The following RNF175 variants were observed in gnomAD, a reference collection of about 807,000 sequenced individuals.
The protein encoded by RNF175 is ring finger protein 175.
RNF175 carries 38 observed loss-of-function variants against 50.0 expected under a neutral mutation model. That is an observed-to-expected ratio of 0.76 (90% CI 0.59 to 1.00). The LOEUF (loss-of-function observed/expected upper bound fraction) is 1.00. Among genes scored for constraint, RNF175 ranks in the 50% least tolerant of loss-of-function variants. The pLI is 0.00. For missense variants in RNF175, 388 were observed against 409.6 expected, an observed-to-expected ratio of 0.95 and a Z score of 0.46; for synonymous variants, 155 against 146.1, an observed-to-expected ratio of 1.06 and a Z score of -0.44.
At position 153,710,178 on chromosome 4, in the gene RNF175, A is replaced by T. The variant is rs1737466360; in HGVS notation, c.*191T>A. 2 of 484,220 alleles carry T rather than the reference A, an allele frequency of 4.1e-6. No individual in the cohort carries two copies. Among genetic ancestry groups the T allele is most frequent in the Non-Finnish European group, 7.3e-6 (2 of 275,514 alleles). The allele number at this position is 484,220 out of a possible 1,614,324, so 30.0% of individuals were successfully genotyped here. A position where few individuals can be genotyped will look rare whatever the true frequency, so the allele number is the denominator to read the frequency against. ...ACAGCTGTAATGGGAAAGATGAAAAAACATGCTTTATTTGTTTATTCCATT... is the reference window on the plus strand; with the variant it reads ...ACAGCTGTAATGGGAAAGATGAAAATACATGCTTTATTTGTTTATTCCATT... On this transcript the variant is annotated 3_prime_UTR_variant, in exon 9 of 9. Coordinates refer to ENST00000347063, the MANE Select transcript of RNF175 (RefSeq NM_173662.4).
At chr4:153,748,475 A>T in intron 3 of RNF175, 170 bp downstream of exon 3, 2 of 547,124 alleles carry the variant, frequency 3.7e-6, no homozygotes, top group Non-Finnish European at 6.0e-6. Context: ...AAATGTTTCC[A>T]GACATTGCCA....
intron 3 of RNF175, among the ~76,000 whole-genome samples, chr4:153,746,812 G>C (rs746760584): frequency 6.6e-6 from 1 of 152,214 alleles, no homozygotes; most frequent in Non-Finnish European, 1.5e-5. Flanking sequence ...TTTTGCTTAG[G>C]CCCTCTGGTT....
intron 4 of RNF175, chr4:153,727,570 C>G (rs1173409579): frequency 6.6e-6 from 1 of 152,204 alleles, no homozygotes; most frequent in Non-Finnish European, 1.5e-5. Flanking sequence ...ACATTTTACA[C>G]ACTTTATCTC....
intron 6 of RNF175, among the ~76,000 whole-genome samples, chr4:153,719,263 A>G (rs1013908173): frequency 3.3e-5 from 5 of 152,212 alleles, no homozygotes; most frequent in Non-Finnish European, 7.3e-5. Flanking sequence ...GCTCCATCCA[A>G]GTCCCTGCAA....
chr4:153,733,305 T>A (rs1739147672), intron 3 of RNF175, among the ~76,000 whole-genome samples: 1 of 152,194 alleles, frequency 6.6e-6, no homozygotes, highest in South Asian at 2.1e-4. Context: ...ATAATATGCA[T>A]AAATAATAAT....
chr4:153,712,919 T>C (rs746234861), intron 7 of RNF175, among the ~76,000 whole-genome samples: 1 of 152,092 alleles, frequency 6.6e-6, no homozygotes, highest in Non-Finnish European at 1.5e-5. Context: ...CCCACCTTGT[T>C]ATTGTGCGTT....
At chr4:153,729,829 C>T (rs552189937) in intron 3 of RNF175, 35 of 984,420 alleles carry the variant, frequency 3.6e-5, no homozygotes, top group East Asian at 1.1e-4. Flanking sequence ...CTGAGGAGTT[C>T]GGGAACAAAT....
At chr4:153,717,925 G>A (rs528289233) in intron 6 of RNF175, among the ~76,000 whole-genome samples, 2 of 152,070 alleles carry the variant, frequency 1.3e-5, no homozygotes, top group Non-Finnish European at 2.9e-5. Context: ...TATGGATTTT[G>A]AGAAATGTAT....
rs749674403 is a variant in RNF175, at chr4:153,712,590, T to C, written c.765-14A>G. Reference sequence around the variant, plus strand: ...AATTCATGAAAGCTGAAGCATCTTGTTAGGGAGGCTTCTAGATATGAAAAG... The same window carrying C: ...AATTCATGAAAGCTGAAGCATCTTGCTAGGGAGGCTTCTAGATATGAAAAG... On this transcript the variant is annotated splice_polypyrimidine_tract_variant and intron_variant, in intron 7 of 8. Transcript: ENST00000347063. 6.5e-7 allele frequency: 1 copy of C among 1,545,234 alleles called. No homozygotes were observed. Among genetic ancestry groups the C allele is most frequent in the Non-Finnish European group, 8.9e-7 (1 of 1,119,222 alleles).
At chr4:153,737,110 C>T (rs1424071300) in intron 3 of RNF175, among the ~76,000 whole-genome samples, 3 of 152,222 alleles carry the variant, frequency 2.0e-5, no homozygotes, top group African/African-American at 7.2e-5. Context: ...CCTCCCACCT[C>T]AGCCTCCCAA....
chr4:153,733,051 C>T (rs1739132147), intron 3 of RNF175, among the ~76,000 whole-genome samples: 1 of 151,988 alleles, frequency 6.6e-6, no homozygotes, highest in African/African-American at 2.4e-5. Flanking sequence ...ATTTCTTTTG[C>T]TTTAGGTATT....
At chr4:153,726,363 C>T (rs1226709355) in intron 4 of RNF175, among the ~76,000 whole-genome samples, 10 of 152,174 alleles carry the variant, frequency 6.6e-5, no homozygotes, top group Admixed American at 1.3e-4. Context: ...CCTCGGCCTC[C>T]CAAAGTGCTG....
intron 2 of RNF175, 54 bp from the exon 3 acceptor site, chr4:153,748,840 G>GAAA (rs757148484): frequency 7.6e-7 from 1 of 1,315,668 alleles, no homozygotes. Context: ...TGCGCATTTA[G>GAAA]CAAAAAAAAC....
At chr4:153,756,158 G>A (rs967692791) in intron 1 of RNF175, among the ~76,000 whole-genome samples, 1 of 152,144 alleles carries the variant, frequency 6.6e-6, no homozygotes, top group African/African-American at 2.4e-5. Flanking sequence ...ACAAAAGTAA[G>A]CTTGCCTCTG....
intron 1 of RNF175, 131 bp from the exon 2 acceptor site, chr4:153,751,606 A>C (rs998414369): frequency 4.6e-6 from 3 of 657,056 alleles, no homozygotes; most frequent in East Asian, 5.8e-5. Flanking sequence ...ATTTGGGATA[A>C]AAGTCCTAGT....
intron 6 of RNF175, among the ~76,000 whole-genome samples, chr4:153,718,211 T>C (rs1053653349): frequency 7.8e-5 from 6 of 76,774 alleles, no homozygotes; most frequent in Admixed American, 1.6e-4. Context: ...CCTAAGGAGT[T>C]TTTTTTGTTT....
In RNF175 at chr4:153,751,459, A is replaced by G; in HGVS notation, c.83T>C (p.Leu28Pro). 6.4e-7 allele frequency: 1 copy of G among 1,559,074 alleles called. No homozygotes were observed. The highest frequency in any genetic ancestry group is 8.7e-7 in the Non-Finnish European group (1 of 1,151,014). ...PQQEQLSHTKLSAEDTWNLQQ... is the reference protein window; with the variant it reads ...PQQEQLSHTKPSAEDTWNLQQ... ...TTACTTCCATGTGTCTTCTGCAGAAAGCTTTGTATGAGAGAGCTGAAAAAC... is the reference window on the plus strand; with the variant it reads ...TTACTTCCATGTGTCTTCTGCAGAAGGCTTTGTATGAGAGAGCTGAAAAAC... Residue 28 changes from leucine to proline, a missense_variant, in exon 2 of 9, where the codon CTT (leucine) becomes CCT (proline). By Grantham distance (98) the Leu-to-Pro change is moderately conservative (BLOSUM62 -3). Transcript: ENST00000347063.
rs200372656 is a variant in RNF175, at chr4:153,720,410, A to AT, written c.510-107dup. ...TGGTATCTAAGAGAACCTTGTGGGT[A>AT]TTTTTTTTTTCATTTATGTGTTTGA... On this transcript the variant is annotated intron_variant, in intron 5 of 8. Coordinates refer to ENST00000347063, the MANE Select transcript of RNF175 (RefSeq NM_173662.4). The AT allele has an allele frequency of 7.5e-3, 5,695 of 757,464 alleles. 11 individuals carry two copies. The highest frequency in any genetic ancestry group is 0.024 in the South Asian group (1,106 of 46,610). 46.9% of individuals were successfully genotyped at this position (757,464 alleles called of 1,614,324 possible). A position where few individuals can be genotyped will look rare whatever the true frequency, so the allele number is the denominator to read the frequency against.
chr4:153,739,198 G>A (rs758704134), intron 3 of RNF175, among the ~76,000 whole-genome samples: 8 of 152,172 alleles, frequency 5.3e-5, no homozygotes, highest in Non-Finnish European at 7.3e-5. Context: ...TGAGGTGGGC[G>A]GATCATGAGG....
Sources: allele counts gnomAD v4.1 joint callset (sites outside exome capture counted in the v4.1 genomes callset), GRCh38; gene constraint gnomAD v4.1.1; transcripts MANE v1.5; gene names NCBI Gene and HGNC (gene_info 2026-07-23, HGNC 2026-07-21).